The following GFRA1 variants were observed in gnomAD, a reference collection of about 807,000 sequenced individuals.
The protein encoded by GFRA1 is GDNF family receptor alpha-1.
GFRA1 carries 16 observed loss-of-function variants against 51.6 expected under a neutral mutation model. That is an observed-to-expected ratio of 0.31 (90% CI 0.21 to 0.47). The LOEUF (loss-of-function observed/expected upper bound fraction) is 0.47, where lower values mean the gene tolerates loss of function less well. Ranked by LOEUF, GFRA1 falls within the 20% of genes least tolerant of loss-of-function variation. The probability of loss-of-function intolerance (pLI) is 1.00; values close to 1 mark genes in which losing one functional copy is unlikely to be tolerated. For missense variants in GFRA1, 530 were observed against 594.3 expected, an observed-to-expected ratio of 0.89 and a Z score of 1.13; for synonymous variants, 270 against 241.3, an observed-to-expected ratio of 1.12 and a Z score of -1.10.
chr10:116,129,613 T>C (rs1438833279), intron 5 of GFRA1, among the ~76,000 whole-genome samples: 1 of 152,132 alleles, frequency 6.6e-6, no homozygotes, highest in East Asian at 1.9e-4. Flanking sequence ...ATTCCCCTTT[T>C]ACTGCTTATA....
chr10:116,272,257 G>A lies in GFRA1; in HGVS notation c.-228C>T, dbSNP rs1015537443. On this transcript the variant is annotated 5_prime_UTR_variant, in exon 2 of 11. Coordinates refer to ENST00000355422, the MANE Select transcript of GFRA1 (RefSeq NM_005264.8). The surrounding 1 kb of genome is among the most constrained non-coding windows in gnomAD (Gnocchi z 4.4). ...GGCGGGAGGCGGTTCCGCTTTTAGG[G>A]GTTCAGGTCCGACCCAACCTGGAAG... The A allele has an allele frequency of 1.7e-6, 1 of 599,828 alleles. No individual in the cohort carries two copies. Among genetic ancestry groups the A allele is most frequent in the African/African-American group, 1.9e-5 (1 of 53,770 alleles). The allele number at this position is 599,828 out of a possible 1,614,324, so 37.2% of individuals were successfully genotyped here.
intron 6 of GFRA1, among the ~76,000 whole-genome samples, chr10:116,112,831 G>C (rs769032687): frequency 6.6e-6 from 1 of 152,198 alleles, no homozygotes; most frequent in Non-Finnish European, 1.5e-5. Context: ...CCAGCGCTTG[G>C]CTGGGGCAGA....
At chr10:116,129,913 T>C (rs1172265200) in intron 5 of GFRA1, among the ~76,000 whole-genome samples, 2 of 151,834 alleles carry the variant, frequency 1.3e-5, no homozygotes, top group Non-Finnish European at 2.9e-5. Flanking sequence ...AATTAGCAAA[T>C]AATAATTATA....
chr10:116,130,073 G>A (rs10787625), intron 5 of GFRA1, among the ~76,000 whole-genome samples: 34,277 of 147,376 alleles, frequency 0.23, 3,969 homozygotes, highest in Middle Eastern at 0.25. Context: ...TTTACAGCAC[G>A]ATCAATGAAT....
chr10:116,194,460 G>T (rs993851198), intron 5 of GFRA1, among the ~76,000 whole-genome samples: 5 of 152,146 alleles, frequency 3.3e-5, no homozygotes, highest in African/African-American at 1.2e-4. Context: ...AAGGGAGTTT[G>T]AAAGGTTAAT....
At chr10:116,234,379 C>T (rs1263349958) in intron 4 of GFRA1, among the ~76,000 whole-genome samples, 3 of 152,174 alleles carry the variant, frequency 2.0e-5, no homozygotes, top group Non-Finnish European at 2.9e-5. Context: ...GGCCTAGAAT[C>T]CTAAAATGCA....
intron 5 of GFRA1, among the ~76,000 whole-genome samples, chr10:116,132,821 A>G (rs923107365): frequency 2.6e-5 from 4 of 152,152 alleles, no homozygotes; most frequent in South Asian, 2.1e-4. Context: ...GAATGATTCA[A>G]TTTACACCCT....
intron 6 of GFRA1, among the ~76,000 whole-genome samples, chr10:116,105,838 G>A (rs1256804906): frequency 6.6e-6 from 1 of 152,180 alleles, no homozygotes. Context: ...GCTTGCGGCA[G>A]GCAGAATGCC....
At chr10:116,204,068 G>A (rs1169579504) in intron 5 of GFRA1, among the ~76,000 whole-genome samples, 1 of 152,208 alleles carries the variant, frequency 6.6e-6, no homozygotes, top group Non-Finnish European at 1.5e-5. Flanking sequence ...GTCTGGCCTT[G>A]GAAAGTGTCA....
intron 5 of GFRA1, among the ~76,000 whole-genome samples, chr10:116,135,770 C>G (rs1958297024): frequency 6.6e-6 from 1 of 152,162 alleles, no homozygotes; most frequent in Non-Finnish European, 1.5e-5. Context: ...TAGGAGGACT[C>G]AAGCAAAACA....
intron 5 of GFRA1, among the ~76,000 whole-genome samples, chr10:116,204,476 T>C (rs758362715): frequency 6.6e-6 from 1 of 152,226 alleles, no homozygotes. Flanking sequence ...CATTCTTCAA[T>C]GATCAGAACC....
chr10:116,092,235 G>T (rs2133886469), intron 8 of GFRA1, among the ~76,000 whole-genome samples: 1 of 151,706 alleles, frequency 6.6e-6, no homozygotes, highest in South Asian at 2.1e-4. Flanking sequence ...TACTTTTGTG[G>T]GTGTGAATTT....
chr10:116,255,518 AC>A, intron 4 of GFRA1: 11 of 1,033,270 alleles, frequency 1.1e-5, no homozygotes, highest in East Asian at 1.4e-4. Context: ...AAAAAAAAAA[AC>A]ACTAGGTTTC....
At chr10:116,210,872 C>G (rs1311659665) in intron 5 of GFRA1, among the ~76,000 whole-genome samples, 1 of 152,184 alleles carries the variant, frequency 6.6e-6, no homozygotes, top group Non-Finnish European at 1.5e-5. Context: ...TGATGCCCTG[C>G]TACTTTTACC....
In GFRA1 at chr10:116,064,097, C is replaced by CATCATCATGATCATG; in HGVS notation, c.*300_*301insCATGATCATGATGAT. The CATCATCATGATCATG allele has an allele frequency of 3.8e-6, 1 of 259,820 alleles. No individual in the cohort carries two copies. The highest frequency in any genetic ancestry group is 7.2e-6 in the Non-Finnish European group (1 of 139,522). The allele number at this position is 259,820 out of a possible 1,614,324, so 16.1% of individuals were successfully genotyped here. A position where few individuals can be genotyped will look rare whatever the true frequency, so the allele number is the denominator to read the frequency against. On this transcript the variant is annotated 3_prime_UTR_variant, in exon 11 of 11. Coordinates refer to ENST00000355422, the MANE Select transcript of GFRA1 (RefSeq NM_005264.8). ...TCATGATGATCATCATCATGATCAT[C>CATCATCATGATCATG]ATCATCATCGAAAACACAGCCCCAG...
intron 5 of GFRA1, among the ~76,000 whole-genome samples, chr10:116,198,154 G>C (rs147045293): frequency 4.4e-4 from 67 of 152,256 alleles, no homozygotes; most frequent in African/African-American, 1.4e-3. Flanking sequence ...GCTTCTGATC[G>C]GAGTCTGCAT....
At chr10:116,127,238 A>G (rs1247869815) in intron 5 of GFRA1, among the ~76,000 whole-genome samples, 1 of 152,232 alleles carries the variant, frequency 6.6e-6, no homozygotes, top group Non-Finnish European at 1.5e-5. Flanking sequence ...AAACTTTGTT[A>G]AGAGGGTAGA....
intron 4 of GFRA1, among the ~76,000 whole-genome samples, chr10:116,227,128 G>A (rs1163898976): frequency 6.6e-6 from 1 of 152,210 alleles, no homozygotes; most frequent in East Asian, 1.9e-4. Context: ...CTATAGGACA[G>A]CAGCAAGCTC....
chr10:116,069,402 C>G (rs193048971), intron 9 of GFRA1, among the ~76,000 whole-genome samples: 1 of 152,034 alleles, frequency 6.6e-6, no homozygotes, highest in Non-Finnish European at 1.5e-5. Context: ...ATCTTGAGAA[C>G]GGGAAGATGA....
Sources: allele counts gnomAD v4.1 joint callset (sites outside exome capture counted in the v4.1 genomes callset), GRCh38; gene constraint gnomAD v4.1.1; non-coding constraint Gnocchi (gnomAD v3.1); transcripts MANE v1.5; gene names NCBI Gene and HGNC (gene_info 2026-07-23, HGNC 2026-07-21).